The following VRK3 variants were observed in gnomAD, a reference collection of about 807,000 sequenced individuals.
VRK3 encodes the protein VRK serine/threonine kinase 3.
A neutral mutation model predicts 60.4 loss-of-function variants in VRK3; 50 were observed. That is an observed-to-expected ratio of 0.83 (90% CI 0.66 to 1.05). The LOEUF (loss-of-function observed/expected upper bound fraction) is 1.05. Among genes scored for constraint, VRK3 ranks in the 50% least tolerant of loss-of-function variants. The pLI, the probability that VRK3 is intolerant of heterozygous loss-of-function variation, is 0.00. For missense variants in VRK3, 549 were observed against 585.3 expected, an observed-to-expected ratio of 0.94 and a Z score of 0.64; for synonymous variants, 246 against 227.8, an observed-to-expected ratio of 1.08 and a Z score of -0.72.
intron 10 of VRK3, 148 bp downstream of exon 10, chr19:49,992,708 GTTGC>G (rs1298464010): frequency 1.6e-6 from 1 of 636,780 alleles, no homozygotes; most frequent in South Asian, 2.6e-5. Context: ...TTCCTACTAA[GTTGC>G]TTATCTTATT....
chr19:50,000,811 C>T lies in VRK3; in HGVS notation c.591G>A (p.Lys197=), dbSNP rs1479838584. The part of the protein sequence containing the change: ...STLTCDSGPQ[K]QKFSLKLDAK... ...TTACCAGTTTGAGTGAGAACTTTTGCTTCTGTGGTCCTGAGTCACAGGTGA... is the reference window on the plus strand; with the variant it reads ...TTACCAGTTTGAGTGAGAACTTTTGTTTCTGTGGTCCTGAGTCACAGGTGA... Residue 197 remains lysine, a synonymous_variant, in exon 6 of 15, where the codon AAG becomes AAA. Coordinates refer to ENST00000316763, the MANE Select transcript of VRK3 (RefSeq NM_016440.4). The T allele has an allele frequency of 6.2e-7, 1 of 1,613,830 alleles. No individual in the cohort carries two copies. Among genetic ancestry groups the T allele is most frequent in the Non-Finnish European group, 8.5e-7 (1 of 1,179,886 alleles).
chr19:49,983,867 G>T (rs2076466647), intron 12 of VRK3, among the ~76,000 whole-genome samples: 1 of 152,192 alleles, frequency 6.6e-6, no homozygotes, highest in Non-Finnish European at 1.5e-5. Context: ...TGGGCTGGGG[G>T]TGAGGAGGTG....
chr19:49,984,779 G>A (rs543902786), intron 12 of VRK3, among the ~76,000 whole-genome samples: 35 of 152,034 alleles, frequency 2.3e-4, no homozygotes, highest in African/African-American at 8.2e-4. Flanking sequence ...CTACAGTCGC[G>A]TGCCACCACA....
chr19:50,017,769 C>G (rs1234964733), intron 2 of VRK3, among the ~76,000 whole-genome samples: 2 of 152,032 alleles, frequency 1.3e-5, no homozygotes, highest in African/African-American at 4.8e-5. Context: ...CTCCTGGGCT[C>G]AAGCAATCTT....
At chr19:50,014,652 G>A (rs2077045729) in intron 3 of VRK3, among the ~76,000 whole-genome samples, 1 of 152,168 alleles carries the variant, frequency 6.6e-6, no homozygotes, top group South Asian at 2.1e-4. Context: ...GGGAAGAGGC[G>A]TCCAGGAGGG....
intron 9 of VRK3, among the ~76,000 whole-genome samples, 169 bp from the exon 10 acceptor site, chr19:49,993,121 G>A (rs2076640659): frequency 6.6e-6 from 1 of 152,184 alleles, no homozygotes. Flanking sequence ...CGCTGTGACA[G>A]CACATTGAGC....
intron 13 of VRK3, among the ~76,000 whole-genome samples, chr19:49,979,647 C>T (rs2076389834): frequency 6.6e-6 from 1 of 152,220 alleles, no homozygotes; most frequent in Non-Finnish European, 1.5e-5. Flanking sequence ...CACCTCCAAC[C>T]TCTGGCTGAC....
chr19:49,995,062 G>C, intron 8 of VRK3, 129 bp downstream of exon 8: 2 of 1,277,592 alleles, frequency 1.6e-6, no homozygotes, highest in African/African-American at 1.5e-5. Context: ...CAGCAAACTA[G>C]GTCAAAACTA....
At chr19:50,007,433 G>T in intron 5 of VRK3, 136 bp downstream of exon 5, 1 of 1,345,364 alleles carries the variant, frequency 7.4e-7, no homozygotes. Context: ...AGAGTCCAAG[G>T]TCTAAGAGAA....
At chr19:49,990,999 G>A (rs1568783076) in intron 10 of VRK3, among the ~76,000 whole-genome samples, 1 of 151,978 alleles carries the variant, frequency 6.6e-6, no homozygotes, top group Non-Finnish European at 1.5e-5. Flanking sequence ...TGTTTCCCAG[G>A]CTGGTCTCGA....
At chr19:49,976,969 A>G (rs1034907002) in intron 14 of VRK3, among the ~76,000 whole-genome samples, 185 bp from the exon 15 acceptor site, 1 of 151,864 alleles carries the variant, frequency 6.6e-6, no homozygotes, top group African/African-American at 2.4e-5. Flanking sequence ...GCGGGTGGAG[A>G]CTACACACTA....
chr19:50,009,335 TCA>T lies in VRK3; in HGVS notation c.188_189del (p.Val63GlufsTer18), dbSNP rs750756499. 9 of 1,614,040 alleles carry T rather than the reference TCA, an allele frequency of 5.6e-6. No individual in the cohort carries two copies. Among genetic ancestry groups the T allele is most frequent in the Admixed American group, 1.7e-5 (1 of 60,010 alleles). Reference sequence around the variant, plus strand: ...GGAGAGGTGACGGTGCTGGACCATTTCACTTTCTTAGGAGAGGTTTCAAAACT... The same window carrying T: ...GGAGAGGTGACGGTGCTGGACCATTTCTTTCTTAGGAGAGGTTTCAAAACT... Reference protein sequence around the residue: ...NSSFETSPKKVKWSSTVTSPR... With the variant: ...NSSFETSPKKXKWSSTVTSPR... On this transcript the variant is annotated frameshift_variant, in exon 4 of 15. Transcript: ENST00000316763. LOFTEE classifies it high-confidence loss of function.
At chr19:50,020,233 G>A (rs532300106) in intron 2 of VRK3, among the ~76,000 whole-genome samples, 29 of 152,222 alleles carry the variant, frequency 1.9e-4, no homozygotes, top group Non-Finnish European at 3.4e-4. Context: ...TAGAGATGGG[G>A]TTTCACCATG....
intron 3 of VRK3, among the ~76,000 whole-genome samples, chr19:50,011,550 G>A (rs137919632): frequency 3.4e-3 from 516 of 152,186 alleles, no homozygotes; most frequent in Non-Finnish European, 6.1e-3. Flanking sequence ...TTGCCTACTT[G>A]GTAGAAGCTC....
At chr19:50,024,190 G>A (rs558486926) in intron 1 of VRK3, among the ~76,000 whole-genome samples, 2 of 152,186 alleles carry the variant, frequency 1.3e-5, no homozygotes, top group South Asian at 4.1e-4. Context: ...CGCCCACCTC[G>A]GTCTCCTAAA....
chr19:50,009,098 G>T, intron 4 of VRK3, 138 bp downstream of exon 4: 1 of 1,034,476 alleles, frequency 9.7e-7, no homozygotes. Context: ...TGGGAGGCTG[G>T]GGAAGCTGCT....
intron 3 of VRK3, among the ~76,000 whole-genome samples, chr19:50,012,745 C>A (rs1568811148): frequency 6.6e-6 from 1 of 151,874 alleles, no homozygotes; most frequent in African/African-American, 2.4e-5. Context: ...TGTGGTGGTG[C>A]GCGGCTGTAA....
chr19:49,978,702 A>AC (rs1474959759), intron 14 of VRK3: 2 of 174,216 alleles, frequency 1.1e-5, no homozygotes, highest in African/African-American at 4.8e-5. Context: ...GAAAGTAGAG[A>AC]CTACAGGTGG....
chr19:50,007,477 T>G, intron 5 of VRK3, 92 bp downstream of exon 5: 1 of 1,563,020 alleles, frequency 6.4e-7, no homozygotes, highest in South Asian at 1.2e-5. Context: ...GCTAGGGATG[T>G]GGCTTCCATT....
Sources: allele counts gnomAD v4.1 joint callset (sites outside exome capture counted in the v4.1 genomes callset), GRCh38; gene constraint gnomAD v4.1.1; transcripts MANE v1.5; gene names NCBI Gene and HGNC (gene_info 2026-07-23, HGNC 2026-07-21).